The following ADAMTSL3 variants were observed in gnomAD, a reference collection of about 807,000 sequenced individuals.
The protein encoded by ADAMTSL3 is ADAMTS-like protein 3.
In ADAMTSL3, 128 loss-of-function variants were observed where a neutral mutation model predicts 201.7. That is an observed-to-expected ratio of 0.63 (90% CI 0.55 to 0.73). The LOEUF (loss-of-function observed/expected upper bound fraction) is 0.73, where lower values mean the gene tolerates loss of function less well. Ranked by LOEUF, ADAMTSL3 falls within the 30% of genes least tolerant of loss-of-function variation. The pLI is 0.00. For missense variants in ADAMTSL3, 1,990 were observed against 2,119.6 expected (o/e 0.94, Z 1.20); for synonymous variants, 738 against 748.4 (o/e 0.99, Z 0.23).
chr15:83,783,700 A>G (rs912941155), intron 4 of ADAMTSL3, among the ~76,000 whole-genome samples: 14 of 152,108 alleles, frequency 9.2e-5, no homozygotes, highest in African/African-American at 3.1e-4. Flanking sequence ...AAATTCACCC[A>G]TATACGGAAG....
At chr15:83,913,070 G>T in intron 15 of ADAMTSL3, 22 bp from the exon 16 acceptor site, 1 of 1,608,074 alleles carries the variant, frequency 6.2e-7, no homozygotes, top group Non-Finnish European at 8.5e-7. Flanking sequence ...TCCTTTTCTG[G>T]TGGCTTCCTG....
intron 8 of ADAMTSL3, among the ~76,000 whole-genome samples, chr15:83,863,404 T>G (rs911115971): frequency 1.3e-5 from 2 of 152,154 alleles, no homozygotes; most frequent in African/African-American, 4.8e-5. Flanking sequence ...ACAGAAATTA[T>G]AACAAACTGT....
At chr15:84,012,695 A>C (rs937147096) in intron 23 of ADAMTSL3, among the ~76,000 whole-genome samples, 7 of 152,226 alleles carry the variant, frequency 4.6e-5, no homozygotes, top group Non-Finnish European at 1.0e-4. Flanking sequence ...GCCTAGATTG[A>C]CATTTGATTG....
chr15:83,839,052 A>T (rs1183467490), intron 7 of ADAMTSL3, among the ~76,000 whole-genome samples: 3 of 152,224 alleles, frequency 2.0e-5, no homozygotes, highest in Admixed American at 2.0e-4. Context: ...CTTTAAAGGA[A>T]ACAAAAATTA....
chr15:83,763,153 A>G (rs984012021), intron 3 of ADAMTSL3, among the ~76,000 whole-genome samples: 10 of 152,160 alleles, frequency 6.6e-5, no homozygotes, highest in Non-Finnish European at 1.0e-4. Context: ...AGCCCCCTGA[A>G]GTGTTGGGAT....
intron 3 of ADAMTSL3, among the ~76,000 whole-genome samples, chr15:83,752,093 G>A (rs1392163235): frequency 6.6e-6 from 1 of 152,102 alleles, no homozygotes; most frequent in Non-Finnish European, 1.5e-5. Flanking sequence ...TAAGTGTTAT[G>A]AAAACAACAA....
intron 2 of ADAMTSL3, among the ~76,000 whole-genome samples, chr15:83,665,557 T>G (rs2061238091): frequency 6.6e-6 from 1 of 152,146 alleles, no homozygotes; most frequent in African/African-American, 2.4e-5. Flanking sequence ...CAGAAAAAAC[T>G]TAGGCAGTGT....
intron 6 of ADAMTSL3, among the ~76,000 whole-genome samples, chr15:83,825,766 G>A (rs2064008475): frequency 1.3e-5 from 2 of 152,030 alleles, no homozygotes; most frequent in South Asian, 2.1e-4. Flanking sequence ...AAGCAGAAGG[G>A]ACAGGAATGT....
intron 9 of ADAMTSL3, among the ~76,000 whole-genome samples, chr15:83,875,527 G>A (rs1008153220): frequency 1.3e-5 from 2 of 152,230 alleles, no homozygotes; most frequent in Non-Finnish European, 2.9e-5. Flanking sequence ...GCTCACGCCT[G>A]TAATACCAGC....
intron 8 of ADAMTSL3, among the ~76,000 whole-genome samples, chr15:83,859,326 T>C (rs1057369076): frequency 6.6e-6 from 1 of 152,178 alleles, no homozygotes; most frequent in African/African-American, 2.4e-5. Context: ...CAGAAAAGAA[T>C]GTTAGATCTG....
At chr15:83,965,868 G>A (rs953920708) in intron 19 of ADAMTSL3, among the ~76,000 whole-genome samples, 3 of 152,160 alleles carry the variant, frequency 2.0e-5, no homozygotes, top group Non-Finnish European at 4.4e-5. Context: ...TAGAACTCAC[G>A]ATTAAGACAC....
chr15:83,973,141 T>C (rs2067226074), intron 20 of ADAMTSL3, among the ~76,000 whole-genome samples: 3 of 152,134 alleles, frequency 2.0e-5, no homozygotes, highest in Admixed American at 2.0e-4. Context: ...GATATCCCAA[T>C]TTCCCAACCT....
chr15:83,813,529 C>T (rs1320254541), intron 5 of ADAMTSL3, among the ~76,000 whole-genome samples: 3 of 152,198 alleles, frequency 2.0e-5, no homozygotes, highest in African/African-American at 7.2e-5. Context: ...AAATTCCACT[C>T]CTGGTGTGCA....
chr15:83,847,178 C>T (rs2064515763), intron 7 of ADAMTSL3, among the ~76,000 whole-genome samples: 1 of 152,170 alleles, frequency 6.6e-6, no homozygotes, highest in Non-Finnish European at 1.5e-5. Context: ...AGTTTGCAGC[C>T]GATTGTTCTC....
chr15:83,725,289 AT>A (rs2062157147), intron 3 of ADAMTSL3, among the ~76,000 whole-genome samples: 2 of 151,984 alleles, frequency 1.3e-5, no homozygotes, highest in African/African-American at 4.8e-5. Flanking sequence ...TTTGATTTAC[AT>A]TTCTCTGAAG....
At chr15:83,725,263 G>T (rs945024166) in intron 3 of ADAMTSL3, among the ~76,000 whole-genome samples, 1 of 151,406 alleles carries the variant, frequency 6.6e-6, no homozygotes, top group Admixed American at 6.6e-5. Context: ...GGAGTGAGAT[G>T]ATATCTCATT....
intron 2 of ADAMTSL3, among the ~76,000 whole-genome samples, chr15:83,660,514 T>C (rs1393628543): frequency 1.3e-5 from 2 of 152,194 alleles, no homozygotes; most frequent in African/African-American, 2.4e-5. Flanking sequence ...TGTGTCTGAG[T>C]GTTGCCCCAT....
intron 7 of ADAMTSL3, among the ~76,000 whole-genome samples, chr15:83,851,111 T>C (rs143820531): frequency 4.1e-4 from 63 of 152,328 alleles, no homozygotes; most frequent in Admixed American, 8.5e-4. Flanking sequence ...TTCTAGATGA[T>C]TCATATTTAG....
At chr15:83,655,708 G>T (rs1276780973) in intron 1 of ADAMTSL3, 21 bp from the exon 2 acceptor site, 2 of 1,581,512 alleles carry the variant, frequency 1.3e-6, no homozygotes, top group Admixed American at 3.4e-5. Flanking sequence ...GGTTGGTAAT[G>T]AACTCTTTCC....
Sources: allele counts gnomAD v4.1 joint callset (sites outside exome capture counted in the v4.1 genomes callset), GRCh38; gene constraint gnomAD v4.1.1; transcripts MANE v1.5; gene names NCBI Gene and HGNC (gene_info 2026-07-23, HGNC 2026-07-21).